The following CUEDC1 variants were observed in gnomAD, a reference collection of about 807,000 sequenced individuals.
CUEDC1 encodes the protein CUE domain-containing protein 1.
In CUEDC1, 30 loss-of-function variants were observed where a neutral mutation model predicts 43.7. The observed-to-expected ratio is 0.69, with a 90% confidence interval of 0.51 to 0.93. CUEDC1 has a LOEUF of 0.93. Ranked by LOEUF, CUEDC1 falls within the 40% of genes least tolerant of loss-of-function variation. The pLI is 0.00. For missense variants in CUEDC1, 486 were observed against 549.0 expected (o/e 0.89, Z 1.15); for synonymous variants, 223 against 223.6 (o/e 1.00, Z 0.02).
intron 10 of CUEDC1, among the ~76,000 whole-genome samples, chr17:57,863,994 C>G (rs1167343477): frequency 3.3e-5 from 4 of 122,306 alleles, no homozygotes; most frequent in Non-Finnish European, 6.8e-5. Context: ...GAGCGAGACT[C>G]CATCTCAAAA....
intron 2 of CUEDC1, among the ~76,000 whole-genome samples, chr17:57,882,340 C>T (rs927050995): frequency 6.6e-6 from 1 of 151,832 alleles, no homozygotes; most frequent in African/African-American, 2.4e-5. Flanking sequence ...GGGAGGGGTA[C>T]CGGGAGGGGG....
rs1468477598 is a variant in CUEDC1, at chr17:57,885,383, A to G, written c.182T>C (p.Met61Thr). Residue 61 changes from methionine (M) to threonine (T), a missense_variant, in exon 2 of 11, where the codon ATG (methionine) becomes ACG (threonine). Physicochemically the swap from Met to Thr is moderately conservative, Grantham distance 81. Coordinates refer to ENST00000577830, the MANE Select transcript of CUEDC1 (RefSeq NM_001271875.2). Reference protein sequence around the residue: ...MDDFKTMFPNMDYDIIECVLR... With the variant: ...MDDFKTMFPNTDYDIIECVLR... ...CACGCATTCGATGATGTCGTAATCC[A>G]TGTTGGGGAACATGGTCTTGAAGTC... 1.2e-6 allele frequency: 2 copies of G among 1,611,680 alleles called. No individual in the cohort carries two copies. The highest frequency in any genetic ancestry group is 1.7e-5 in the Admixed American group (1 of 59,822).
In CUEDC1 at chr17:57,885,240, T is replaced by TG; in HGVS notation, c.324dup (p.Ile109HisfsTer13). On this transcript the variant is annotated frameshift_variant, in exon 2 of 11. Transcript: ENST00000577830. LOFTEE classifies it high-confidence loss of function. ...GGCTGCGCCCCTACCTCCGGGGGGA[T>TG]GCTGTCCTCCGAGTCGGAGCTGTCC... is the stretch of plus-strand genomic sequence containing the variant. The TG allele has an allele frequency of 6.3e-7, 1 of 1,578,894 alleles. No homozygotes were observed. Among genetic ancestry groups the TG allele is most frequent in the Non-Finnish European group, 8.6e-7 (1 of 1,159,656 alleles).
intron 1 of CUEDC1, among the ~76,000 whole-genome samples, chr17:57,888,166 G>T (rs2074317692): frequency 6.6e-6 from 1 of 152,068 alleles, no homozygotes; most frequent in East Asian, 1.9e-4. Context: ...GCCTCCCAAA[G>T]TGCTGGGATT....
intron 1 of CUEDC1, among the ~76,000 whole-genome samples, chr17:57,905,491 T>C (rs1481296418): frequency 1.3e-5 from 2 of 152,200 alleles, no homozygotes; most frequent in African/African-American, 2.4e-5. Flanking sequence ...GCGGGGAAGA[T>C]GGCTCTGGGC....
intron 1 of CUEDC1, among the ~76,000 whole-genome samples, chr17:57,947,146 A>AG: frequency 7.3e-6 from 1 of 137,066 alleles, no homozygotes; most frequent in South Asian, 2.3e-4. Flanking sequence ...GGTCACCAGG[A>AG]GAAAAAAAAA....
chr17:57,933,432 A>C (rs2074829266), intron 1 of CUEDC1, among the ~76,000 whole-genome samples: 1 of 152,206 alleles, frequency 6.6e-6, no homozygotes. Context: ...CTAATCAAAA[A>C]AGCTGGGCAA....
At chr17:57,911,320 A>T (rs1017987433) in intron 1 of CUEDC1, among the ~76,000 whole-genome samples, 2 of 152,138 alleles carry the variant, frequency 1.3e-5, no homozygotes, top group African/African-American at 4.8e-5. Context: ...CCCATGAGGC[A>T]ATCTCTGAGA....
chr17:57,929,968 A>AT (rs1329280191), intron 1 of CUEDC1, among the ~76,000 whole-genome samples: 1 of 151,762 alleles, frequency 6.6e-6, no homozygotes, highest in South Asian at 2.1e-4. Context: ...CGCCCAGCAA[A>AT]TTTTTTTTGT....
chr17:57,907,869 T>C (rs1385511575), intron 1 of CUEDC1, among the ~76,000 whole-genome samples: 4 of 147,902 alleles, frequency 2.7e-5, no homozygotes, highest in East Asian at 2.0e-4. Flanking sequence ...ACTGTACCTA[T>C]CTAAAATGAG....
At chr17:57,867,575 C>T in intron 8 of CUEDC1, 160 bp from the exon 9 acceptor site, 1 of 665,618 alleles carries the variant, frequency 1.5e-6, no homozygotes, top group East Asian at 2.7e-5. Context: ...GGCTCATTTT[C>T]CTGAGGTCAG....
chr17:57,896,767 C>CTTTTTTTTTTTTTTTT (rs747788787), intron 1 of CUEDC1, among the ~76,000 whole-genome samples: 3 of 112,266 alleles, frequency 2.7e-5, no homozygotes, highest in Non-Finnish European at 3.7e-5. Context: ...TTTCTTCTTT[C>CTTTTTTTTTTTTTTTT]TTTTTTTTTT....
At position 57,885,507 on chromosome 17, in the gene CUEDC1, C is replaced by A. The variant is rs761247145; in HGVS notation, c.58G>T (p.Ala20Ser). 1.4e-6 allele frequency: 2 copies of A among 1,455,872 alleles called. No individual in the cohort carries two copies. The highest frequency in any genetic ancestry group is 2.8e-5 in the South Asian group (2 of 70,494). 90.2% of individuals were successfully genotyped at this position (1,455,872 alleles called of 1,614,324 possible). The change falls in exon 2 of 11, where the codon GCA becomes TCA. Residue 20 changes from alanine (A) to serine (S), a missense_variant. Ala to Ser is a moderately conservative substitution (Grantham distance 99, BLOSUM62 1). Coordinates refer to ENST00000577830, the MANE Select transcript of CUEDC1 (RefSeq NM_001271875.2). ...SGSGGGGTAG[A>S]RGGGGGTAAP... ...GCCGTGCCTCCCCCGCCCCCGCGTG[C>A]CCCGGCGGTGCCACCCCCGCCGCTG...
intron 1 of CUEDC1, among the ~76,000 whole-genome samples, chr17:57,895,189 C>T (rs369389910): frequency 2.0e-5 from 3 of 152,102 alleles, no homozygotes; most frequent in South Asian, 2.1e-4. Flanking sequence ...AAAAATGAGG[C>T]GTAGAAGGGT....
chr17:57,864,417 A>G lies in CUEDC1; in HGVS notation c.*4-1132T>C, dbSNP rs559702883. On this transcript the variant is annotated intron_variant, in intron 10 of 10. Transcript: ENST00000577830. The stretch of plus-strand genomic sequence containing the variant: ...CGAAGAGGGTCAAGGGCAGAGCAAC[A>G]AGGAGAGCCAGTATTTAGGGAGTGG... Among the ~76,000 whole-genome samples the G allele has an allele frequency of 2.0e-5, 3 of 152,280 alleles. No homozygotes were observed. In the East Asian group the frequency reaches 5.8e-4, roughly 29 times the overall value.
At chr17:57,911,720 C>A (rs887458789) in intron 1 of CUEDC1, among the ~76,000 whole-genome samples, 1 of 152,156 alleles carries the variant, frequency 6.6e-6, no homozygotes, top group African/African-American at 2.4e-5. Context: ...CCAGGCCTGA[C>A]TCAAGTGATC....
At chr17:57,923,874 C>A (rs1424026980) in intron 1 of CUEDC1, among the ~76,000 whole-genome samples, 1 of 152,222 alleles carries the variant, frequency 6.6e-6, no homozygotes, top group African/African-American at 2.4e-5. Flanking sequence ...GCATCATCAT[C>A]TTTATTGTAC....
At chr17:57,882,910 G>A (rs2074233933) in intron 2 of CUEDC1, among the ~76,000 whole-genome samples, 1 of 152,264 alleles carries the variant, frequency 6.6e-6, no homozygotes, top group East Asian at 1.9e-4. Flanking sequence ...GTCAACGATA[G>A]GCTATTAGCA....
chr17:57,870,711 C>T (rs1433458573), intron 6 of CUEDC1, among the ~76,000 whole-genome samples: 1 of 150,868 alleles, frequency 6.6e-6, no homozygotes, highest in Non-Finnish European at 1.5e-5. Flanking sequence ...GGGTCTCACT[C>T]TGTCACTCAA....
Sources: allele counts gnomAD v4.1 joint callset (sites outside exome capture counted in the v4.1 genomes callset), GRCh38; gene constraint gnomAD v4.1.1; transcripts MANE v1.5; gene names NCBI Gene and HGNC (gene_info 2026-07-23, HGNC 2026-07-21).